BST1: variants seen among roughly 807,000 people sequenced by gnomAD.
BST1 encodes bone marrow stromal cell antigen 1.
A neutral mutation model predicts 40.6 loss-of-function variants in BST1; 49 were observed. The observed-to-expected ratio is 1.21, with a 90% CI of 0.96 to 1.53. The LOEUF (loss-of-function observed/expected upper bound fraction) is 1.53, where lower values mean the gene tolerates loss of function less well. Ranked by LOEUF, BST1 falls within the 40% of genes most tolerant of loss-of-function variation. BST1 has a pLI of 0.00. For missense variants in BST1, 423 were observed against 395.9 expected, an observed-to-expected ratio of 1.07 and a Z score of -0.58; for synonymous variants, 157 against 159.3, an observed-to-expected ratio of 0.99 and a Z score of 0.11.
chr4:15,726,533 TC>T, intron 8 of BST1, among the ~76,000 whole-genome samples: 1 of 152,368 alleles, frequency 6.6e-6, no homozygotes, highest in East Asian at 1.9e-4. Flanking sequence ...CTTGTGTGGC[TC>T]ACTTATGTGG....
chr4:15,756,206 G>A, the BST1 span, among the ~76,000 whole-genome samples: 2 of 152,124 alleles, frequency 1.3e-5, no homozygotes, highest in African/African-American at 4.8e-5. Context: ...TGCAGGGTGG[G>A]TTGGGGGAAG....
chr4:15,710,143 A>T (rs910943142), intron 3 of BST1, among the ~76,000 whole-genome samples: 1 of 151,652 alleles, frequency 6.6e-6, no homozygotes, highest in Non-Finnish European at 1.5e-5. Flanking sequence ...GGCTGTTTTT[A>T]AAATTATTTT....
At chr4:15,739,058 G>C (rs934405365), downstream of BST1, among the ~76,000 whole-genome samples, 2 of 152,214 alleles carry the variant, frequency 1.3e-5, no homozygotes, top group African/African-American at 4.8e-5. Context: ...CCAGAACTCA[G>C]CCTTACTCTT....
chr4:15,726,869 A>AT (rs58317518), intron 8 of BST1, among the ~76,000 whole-genome samples: 1,460 of 129,592 alleles, frequency 0.011, 19 homozygotes, highest in African/African-American at 0.03. Context: ...TTTCCTCGGT[A>AT]TTTTTTTTTT....
chr4:15,718,063 C>A lies in BST1; in HGVS notation c.705-844C>A, dbSNP rs1330518827. ...TGCTTTGTCTTTTTGCTTTACCCTG[C>A]TCCTGCCAGCCTGGCTCCTTTTTCC... On this transcript the variant is annotated intron_variant, in intron 6 of 8. Coordinates refer to ENST00000265016, the MANE Select transcript of BST1 (RefSeq NM_004334.3). Among the ~76,000 whole-genome samples the A allele has an allele frequency of 2.0e-5, 3 of 152,204 alleles. No individual in the cohort carries two copies. The East Asian group carries it at 5.8e-4, about 29-fold the overall frequency.
the BST1 span, among the ~76,000 whole-genome samples, chr4:15,759,209 C>T: frequency 6.6e-6 from 1 of 151,948 alleles, no homozygotes; most frequent in South Asian, 2.1e-4. Context: ...GAATAACATC[C>T]AGATTATACT....
At chr4:15,709,265 G>A (rs528832943) in intron 3 of BST1, among the ~76,000 whole-genome samples, 78 of 152,302 alleles carry the variant, frequency 5.1e-4, no homozygotes, top group African/African-American at 1.9e-3. Context: ...ATGAGAAAGA[G>A]CATTTTCTGA....
At chr4:15,757,580 A>G in the BST1 span, among the ~76,000 whole-genome samples, 1 of 151,574 alleles carries the variant, frequency 6.6e-6, no homozygotes, top group African/African-American at 2.4e-5. Flanking sequence ...CCTCTTCACC[A>G]TTTCTTTCCA....
chr4:15,712,076 T>G (rs1176198896), intron 4 of BST1, among the ~76,000 whole-genome samples, 187 bp downstream of exon 4: 1 of 152,240 alleles, frequency 6.6e-6, no homozygotes, highest in African/African-American at 2.4e-5. Context: ...ATAAAATACT[T>G]AATGCAGTGC....
At chr4:15,704,805 G>A in intron 1 of BST1, 1 of 689,632 alleles carries the variant, frequency 1.5e-6, no homozygotes, top group South Asian at 1.5e-5. Flanking sequence ...TGAAGTTTGG[G>A]TCTTTCTTGC....
chr4:15,725,755 T>G (rs1721060051), intron 8 of BST1, among the ~76,000 whole-genome samples: 1 of 152,134 alleles, frequency 6.6e-6, no homozygotes, highest in Non-Finnish European at 1.5e-5. Context: ...CTTACTGAGT[T>G]AGTCAGATGA....
At chr4:15,764,782 C>T in the BST1 span, among the ~76,000 whole-genome samples, 2 of 151,882 alleles carry the variant, frequency 1.3e-5, no homozygotes, top group African/African-American at 4.9e-5. Context: ...CTAATTGGAG[C>T]ACTCCAGTCC....
the BST1 span, among the ~76,000 whole-genome samples, chr4:15,769,512 G>A: frequency 6.6e-6 from 1 of 152,154 alleles, no homozygotes; most frequent in South Asian, 2.1e-4. Flanking sequence ...GCAAGCCTGA[G>A]CCACAGGGAG....
chr4:15,706,223 G>A (rs1364948059), intron 2 of BST1, among the ~76,000 whole-genome samples: 1 of 152,134 alleles, frequency 6.6e-6, no homozygotes, highest in Non-Finnish European at 1.5e-5. Context: ...CGCTGGTTGT[G>A]GGCAGAAGAA....
At chr4:15,759,464 T>G in the BST1 span, among the ~76,000 whole-genome samples, 13 of 152,012 alleles carry the variant, frequency 8.6e-5, 1 homozygote, top group African/African-American at 2.7e-4. Context: ...TAGTAAATGC[T>G]CAGTTAATGT....
At chr4:15,757,141 C>T in the BST1 span, among the ~76,000 whole-genome samples, 10 of 152,156 alleles carry the variant, frequency 6.6e-5, no homozygotes, top group Non-Finnish European at 1.2e-4. Context: ...CTTCTCATAG[C>T]TTGTCTCTAC....
intron 2 of BST1, among the ~76,000 whole-genome samples, chr4:15,707,125 G>A (rs149023936): frequency 6.6e-6 from 1 of 152,290 alleles, no homozygotes; most frequent in Non-Finnish European, 1.5e-5. Flanking sequence ...CTCATGCTCT[G>A]CATTTTCCAG....
chr4:15,738,674 G>A (rs576380488), downstream of BST1, among the ~76,000 whole-genome samples: 4 of 152,338 alleles, frequency 2.6e-5, no homozygotes, highest in East Asian at 3.9e-4. Flanking sequence ...GCTTCCACAC[G>A]ATTGTTACAG....
At chr4:15,754,918 A>T in the BST1 span, among the ~76,000 whole-genome samples, 2 of 152,126 alleles carry the variant, frequency 1.3e-5, no homozygotes, top group African/African-American at 4.8e-5. Flanking sequence ...ACATGTTATT[A>T]CTCCCTACCT....
Sources: gnomAD v4.1 joint callset for allele counts (sites outside exome capture counted in the v4.1 genomes callset) on GRCh38, gnomAD v4.1.1 for gene constraint, MANE v1.5 for transcripts, NCBI Gene and HGNC (gene_info 2026-07-23, HGNC 2026-07-21) for gene names.